SLC30A10: variants seen among roughly 807,000 people sequenced by gnomAD.
The protein encoded by SLC30A10 is solute carrier family 30 member 10, also known as calcium/manganese antiporter SLC30A10.
SLC30A10 carries 8 observed loss-of-function variants against 21.7 expected under a neutral mutation model. The ratio of observed to expected loss-of-function variants is 0.37; its 90% confidence interval spans 0.22 to 0.67. SLC30A10 has a LOEUF of 0.67. Ranked by LOEUF, SLC30A10 falls within the 30% of genes least tolerant of loss-of-function variation. The pLI is 0.58. For synonymous variants in SLC30A10, 272 were observed against 279.4 expected (o/e 0.97, Z 0.26); for missense variants, 521 against 642.5 (o/e 0.81, Z 2.04).
intron 1 of SLC30A10, among the ~76,000 whole-genome samples, chr1:219,947,600 C>T (rs1050562941): frequency 1.3e-5 from 2 of 152,106 alleles, no homozygotes; most frequent in Non-Finnish European, 2.9e-5. Flanking sequence ...TATATCAGGA[C>T]ATGGACTATG....
intron 1 of SLC30A10, among the ~76,000 whole-genome samples, chr1:219,934,248 A>G (rs1001187467): frequency 5.3e-5 from 8 of 152,174 alleles, no homozygotes; most frequent in African/African-American, 1.9e-4. Context: ...AGATCGTGCC[A>G]CTGCACTCTA....
chr1:219,956,706 G>A (rs554137845), intron 1 of SLC30A10, among the ~76,000 whole-genome samples: 1 of 151,410 alleles, frequency 6.6e-6, no homozygotes, highest in South Asian at 2.1e-4. Flanking sequence ...AAACCCATAT[G>A]GTTGGAGTGA....
At chr1:219,946,606 G>A (rs564882382) in intron 1 of SLC30A10, among the ~76,000 whole-genome samples, 11 of 152,152 alleles carry the variant, frequency 7.2e-5, no homozygotes, top group East Asian at 1.9e-4. Context: ...TCTCACTGGC[G>A]GGTTAGGTTG....
At chr1:219,944,346 G>T (rs1223168852) in intron 1 of SLC30A10, among the ~76,000 whole-genome samples, 2 of 151,908 alleles carry the variant, frequency 1.3e-5, no homozygotes, top group African/African-American at 4.8e-5. Context: ...TACTCAGGAG[G>T]CTGAGGCAGG....
At position 219,927,983 on chromosome 1, in the gene SLC30A10, T is replaced by C. The variant is rs2102535257; in HGVS notation, c.458A>G (p.Gln153Arg). 6.4e-7 allele frequency: 1 copy of C among 1,551,244 alleles called. No individual in the cohort carries two copies. The highest frequency in any genetic ancestry group is 2.5e-5 in the East Asian group (1 of 40,600). The stretch of plus-strand genomic sequence containing the variant: ...GCCCTCCGCCAGCTGCTGCCGCTGC[T>C]GCAGGCGGCGACTGCGTCCCCGGAG... ...CCLRGRSRRL[Q>R]QRQQLAEGCV... The change falls in exon 1 of 4, where the codon CAG becomes CGG. Residue 153 changes from glutamine (Q) to arginine (R), a missense_variant. Gln to Arg is a conservative substitution (Grantham distance 43, BLOSUM62 1). Transcript: ENST00000366926.
rs1372124759 is a variant in SLC30A10, at chr1:219,910,948, A to C, written c.*4501T>G. ...TACATTGAGGATTATCTTTCAATGC[A>C]ATTTCCACTTGAGAAACTAAATTCC... On this transcript the variant is annotated 3_prime_UTR_variant, in exon 4 of 4. Transcript: ENST00000366926. Among the ~76,000 whole-genome samples, 1 of 152,180 alleles carries C rather than the reference A, an allele frequency of 6.6e-6. No individual in the cohort carries two copies. Among genetic ancestry groups the C allele is most frequent in the Non-Finnish European group, 1.5e-5 (1 of 68,024 alleles).
chr1:219,915,397 C>T lies in SLC30A10; in HGVS notation c.*52G>A. ...CAGAAAGCTCTTTTTGTGAGCCAAG[C>T]TTGTGGTTCCAAAGTGCCTCGTCTA... On this transcript the variant is annotated 3_prime_UTR_variant, in exon 4 of 4. Coordinates refer to ENST00000366926, the MANE Select transcript of SLC30A10 (RefSeq NM_018713.3). 6.4e-7 allele frequency: 1 copy of T among 1,566,566 alleles called. No individual in the cohort carries two copies. Among genetic ancestry groups the T allele is most frequent in the Non-Finnish European group, 8.6e-7 (1 of 1,156,386 alleles).
intron 1 of SLC30A10, among the ~76,000 whole-genome samples, chr1:219,948,537 G>A (rs1408815869): frequency 6.6e-6 from 1 of 152,136 alleles, no homozygotes; most frequent in Non-Finnish European, 1.5e-5. Context: ...AATAAATGGT[G>A]CTGGGAAAAC....
rs1477292188 is a variant in SLC30A10, at chr1:219,911,877, A to G, written c.*3572T>C. Among the ~76,000 whole-genome samples, 1 of 152,100 alleles carries G rather than the reference A, an allele frequency of 6.6e-6. No homozygotes were observed. Among genetic ancestry groups the G allele is most frequent in the Non-Finnish European group, 1.5e-5 (1 of 68,024 alleles). On this transcript the variant is annotated 3_prime_UTR_variant, in exon 4 of 4. Transcript: ENST00000366926. ...ATGTCTGGAGACATTGGTTGTCACA[A>G]CTTCGGGGGACAGTACCGGCATTTA...
At chr1:219,944,438 ACTCTGT>A (rs940382879) in intron 1 of SLC30A10, among the ~76,000 whole-genome samples, 3 of 151,778 alleles carry the variant, frequency 2.0e-5, no homozygotes, top group African/African-American at 7.3e-5. Flanking sequence ...ACAGAGCAAG[ACTCTGT>A]CTCAAAAACA....
chr1:219,952,820 A>G (rs1395160777), intron 1 of SLC30A10, among the ~76,000 whole-genome samples: 1 of 152,186 alleles, frequency 6.6e-6, no homozygotes, highest in Non-Finnish European at 1.5e-5. Context: ...GAACAAAGAG[A>G]TGGTCTCTTT....
intron 1 of SLC30A10, among the ~76,000 whole-genome samples, chr1:219,956,685 AG>A (rs1660359483): frequency 6.6e-6 from 1 of 151,728 alleles, no homozygotes; most frequent in Non-Finnish European, 1.5e-5. Context: ...AAAGAAGAAA[AG>A]AAAAAAAAGA....
intron 1 of SLC30A10, among the ~76,000 whole-genome samples, chr1:219,949,775 A>C (rs1293221640): frequency 6.6e-5 from 10 of 151,652 alleles, no homozygotes; most frequent in Non-Finnish European, 1.3e-4. Context: ...ATAAAATAAA[A>C]ATAAAAATAA....
intron 2 of SLC30A10, among the ~76,000 whole-genome samples, chr1:219,925,122 A>C (rs1375272444): frequency 1.3e-5 from 2 of 152,218 alleles, no homozygotes; most frequent in African/African-American, 4.8e-5. Flanking sequence ...TAGGACTAAA[A>C]TTTGGCAAGT....
chr1:219,919,240 G>T (rs1225329438), intron 2 of SLC30A10, among the ~76,000 whole-genome samples: 1 of 152,132 alleles, frequency 6.6e-6, no homozygotes, highest in African/African-American at 2.4e-5. Flanking sequence ...AGACTAAATT[G>T]GGATTCAGTA....
chr1:219,912,703 G>A lies in SLC30A10; in HGVS notation c.*2746C>T, dbSNP rs1199692027. On this transcript the variant is annotated 3_prime_UTR_variant, in exon 4 of 4. Transcript: ENST00000366926. Reference sequence around the variant, plus strand: ...CAAAAAATTAGCCGGGCATGGTGGCGAGCACCTGTAATCCCAGCTACTCGG... The same window carrying A: ...CAAAAAATTAGCCGGGCATGGTGGCAAGCACCTGTAATCCCAGCTACTCGG... 1.4e-5 allele frequency among the ~76,000 whole-genome samples: 2 copies of A among 146,814 alleles called. No homozygotes were observed. The highest frequency in any genetic ancestry group is 2.2e-4 in the South Asian group (1 of 4,518).
intron 1 of SLC30A10, among the ~76,000 whole-genome samples, chr1:219,952,802 A>T (rs1019593354): frequency 1.3e-4 from 20 of 152,152 alleles, no homozygotes; most frequent in African/African-American, 4.6e-4. Flanking sequence ...GGAAAAAAAA[A>T]TTACTAAGAA....
At chr1:219,938,300 T>C (rs1021787757) in intron 1 of SLC30A10, among the ~76,000 whole-genome samples, 2 of 152,194 alleles carry the variant, frequency 1.3e-5, no homozygotes, top group East Asian at 1.9e-4. Flanking sequence ...AGGGGAACAC[T>C]GCATTCCCCC....
chr1:219,924,531 G>A (rs1465888323), intron 2 of SLC30A10, among the ~76,000 whole-genome samples: 1 of 152,120 alleles, frequency 6.6e-6, no homozygotes, highest in African/African-American at 2.4e-5. Flanking sequence ...AGCACCAAAG[G>A]GGAGGCCAGC....
Sources: gnomAD v4.1 joint callset for allele counts (sites outside exome capture counted in the v4.1 genomes callset) on GRCh38, gnomAD v4.1.1 for gene constraint, MANE v1.5 for transcripts, NCBI Gene and HGNC (gene_info 2026-07-23, HGNC 2026-07-21) for gene names.